AFF2: variants seen among roughly 807,000 people sequenced by gnomAD.
AFF2 encodes the protein AF4/FMR2 family member 2.
In AFF2, 14 loss-of-function variants were observed where a neutral mutation model predicts 76.9. The ratio of observed to expected loss-of-function variants is 0.18; its 90% CI spans 0.12 to 0.28. The LOEUF (loss-of-function observed/expected upper bound fraction) is 0.28, where lower values mean the gene tolerates loss of function less well. AFF2 is among the 10% of genes least tolerant of loss of function. The pLI is 1.00. For synonymous variants in AFF2, 398 were observed against 366.7 expected (o/e 1.09, Z -0.98); for missense variants, 868 against 1,001.1 (o/e 0.87, Z 1.79).
chrX:148,880,445 G>A (rs2071084481), intron 7 of AFF2, among the ~76,000 whole-genome samples: 1 of 111,449 alleles, frequency 9.0e-6, no homozygotes, highest in South Asian at 3.8e-4. Flanking sequence ...TTTATGAAGA[G>A]GAAGTGCCCT....
intron 1 of AFF2, among the ~76,000 whole-genome samples, chrX:148,576,574 G>A (rs1488634432): frequency 4.5e-5 from 5 of 111,080 alleles, no homozygotes; most frequent in African/African-American, 1.3e-4. Context: ...ATTCCTTAGG[G>A]CATGCAAGGA....
intron 1 of AFF2, among the ~76,000 whole-genome samples, chrX:148,541,657 A>T (rs2052858909): frequency 9.0e-6 from 1 of 111,288 alleles, no homozygotes; most frequent in Non-Finnish European, 1.9e-5. Flanking sequence ...AGCATAGTTG[A>T]AATTTTAATC....
At chrX:148,793,784 C>T (rs1428355310) in intron 3 of AFF2, among the ~76,000 whole-genome samples, 2 of 111,571 alleles carry the variant, frequency 1.8e-5, no homozygotes, top group Non-Finnish European at 3.8e-5. Flanking sequence ...CACCTCTGTG[C>T]ACTGTATTTG....
intron 3 of AFF2, among the ~76,000 whole-genome samples, chrX:148,724,301 T>A (rs1397086248): frequency 9.0e-6 from 1 of 110,818 alleles, no homozygotes; most frequent in African/African-American, 3.3e-5. Flanking sequence ...ACAAATGAAC[T>A]CAGGTACATG....
intron 1 of AFF2, among the ~76,000 whole-genome samples, chrX:148,548,886 C>T (rs1234148048): frequency 8.9e-6 from 1 of 112,042 alleles, no homozygotes; most frequent in African/African-American, 3.2e-5. Flanking sequence ...GTATGTGTGC[C>T]GTAATATATA....
chrX:148,540,267 A>G (rs2124264679), intron 1 of AFF2, among the ~76,000 whole-genome samples: 1 of 111,612 alleles, frequency 9.0e-6, no homozygotes, highest in African/African-American at 3.3e-5. Flanking sequence ...GGATTAGAGA[A>G]GCACTGCAAA....
chrX:148,668,955 G>T (rs1434379676), intron 3 of AFF2, among the ~76,000 whole-genome samples: 1 of 112,083 alleles, frequency 8.9e-6, no homozygotes, highest in Non-Finnish European at 1.9e-5. Context: ...AAACTTTTAT[G>T]CTGTGTTTCC....
intron 1 of AFF2, among the ~76,000 whole-genome samples, chrX:148,606,694 C>CA (rs1557248835): frequency 1.8e-5 from 2 of 111,540 alleles, no homozygotes; most frequent in African/African-American, 6.5e-5. Flanking sequence ...TCACTTAGAA[C>CA]TAAAACTAGA....
chrX:148,931,051 G>A (rs2071706379), intron 9 of AFF2, among the ~76,000 whole-genome samples: 1 of 110,112 alleles, frequency 9.1e-6, no homozygotes, highest in Non-Finnish European at 1.9e-5. Flanking sequence ...TCAGGAGATC[G>A]AGACCATCCT....
intron 9 of AFF2, among the ~76,000 whole-genome samples, chrX:148,929,593 C>A (rs782785243): frequency 1.4e-4 from 16 of 111,783 alleles, no homozygotes; most frequent in Non-Finnish European, 2.6e-4. Context: ...TTTCTGAGAC[C>A]AGACGAAAAT....
chrX:148,948,349 C>G (rs2071925077), intron 9 of AFF2, among the ~76,000 whole-genome samples: 1 of 111,621 alleles, frequency 9.0e-6, no homozygotes, highest in Admixed American at 9.5e-5. Flanking sequence ...GCACAAATGC[C>G]TCCTCACATG....
intron 9 of AFF2, among the ~76,000 whole-genome samples, chrX:148,920,900 G>A (rs1342591075): frequency 9.1e-6 from 1 of 110,492 alleles, no homozygotes; most frequent in Non-Finnish European, 1.9e-5. Context: ...GTGGGTTAAG[G>A]AAAGTCATTG....
At chrX:148,822,603 C>T (rs1254742362) in intron 4 of AFF2, among the ~76,000 whole-genome samples, 1 of 110,639 alleles carries the variant, frequency 9.0e-6, no homozygotes, top group Non-Finnish European at 1.9e-5. Context: ...TCAAATCTCT[C>T]AAATAATGTT....
chrX:148,762,420 T>TATATATAC (rs1225408056), intron 3 of AFF2, among the ~76,000 whole-genome samples: 6 of 101,128 alleles, frequency 5.9e-5, no homozygotes, highest in African/African-American at 2.7e-4. Flanking sequence ...TATATATATA[T>TATATATAC]ACACATGCAC....
intron 9 of AFF2, among the ~76,000 whole-genome samples, chrX:148,931,982 A>G (rs1334656388): frequency 1.8e-5 from 2 of 112,094 alleles, no homozygotes; most frequent in African/African-American, 3.2e-5. Flanking sequence ...GCAGATATGT[A>G]GTAGACTCCA....
rs1178679962 is a variant in AFF2 at position 148,627,276 on chromosome X, G to A, written c.48-24723G>A. On this transcript the variant is annotated intron_variant, in intron 1 of 20. Transcript: ENST00000370460. ...GCAAATTCCAGGCAGGATCATTAGA[G>A]AAGACTTAATAGAAGAAGTAACCTT... 4.5e-5 allele frequency among the ~76,000 whole-genome samples: 5 copies of A among 112,218 alleles called. No individual in the cohort carries two copies. In the East Asian group the frequency reaches 1.4e-3, roughly 32 times the overall value.
rs140073590 is a variant in AFF2, at chrX:148,589,397, A to G, written c.48-62602A>G. ...GCAGGACACCATGGAGATAGGGTTC[A>G]GAGAAGGATGACTATGCTTCTTTTA... On this transcript the variant is annotated intron_variant, in intron 1 of 20. Transcript: ENST00000370460. Among the ~76,000 whole-genome samples, 155 of 112,448 alleles carry G rather than the reference A, an allele frequency of 1.4e-3. 2 individuals carry two copies. Among genetic ancestry groups the G allele is most frequent in the African/African-American group, 4.8e-3 (148 of 30,962 alleles).
intron 5 of AFF2, 47 bp from the exon 6 acceptor site, chrX:148,842,919 T>G (rs1050185018): frequency 1.9e-6 from 2 of 1,054,574 alleles, no homozygotes; most frequent in East Asian, 6.2e-5. Context: ...CTTACTCTCC[T>G]TGTGTCATTT....
chrX:148,631,426 C>A (rs1055161036), intron 1 of AFF2, among the ~76,000 whole-genome samples: 3 of 96 alleles, frequency 0.031, no homozygotes, highest in Non-Finnish European at 0.05. Context: ...AAGGGCAATG[C>A]GCAACCTGAC....
Sources: gnomAD v4.1 joint callset for allele counts (sites outside exome capture counted in the v4.1 genomes callset) on GRCh38, gnomAD v4.1.1 for gene constraint, MANE v1.5 for transcripts, NCBI Gene and HGNC (gene_info 2026-07-23, HGNC 2026-07-21) for gene names.